TECRL: variants seen among roughly 807,000 people sequenced by gnomAD.
TECRL encodes the protein trans-2,3-enoyl-CoA reductase like.
TECRL carries 63 observed loss-of-function variants against 52.8 expected under a neutral mutation model. The ratio of observed to expected loss-of-function variants is 1.19; its 90% confidence interval spans 0.97 to 1.47. The LOEUF (loss-of-function observed/expected upper bound fraction) is 1.47. Among genes scored for constraint, TECRL ranks in the 40% most tolerant of loss-of-function variants. The probability of loss-of-function intolerance (pLI) is 0.00; values close to 1 mark genes in which losing one functional copy is unlikely to be tolerated. For missense variants in TECRL, 482 were observed against 429.6 expected (o/e 1.12, Z -1.08); for synonymous variants, 164 against 141.9 (o/e 1.16, Z -1.10).
chr4:64,387,110 T>C lies in TECRL; in HGVS notation c.235-11887A>G, dbSNP rs186869137. 5.9e-5 allele frequency among the ~76,000 whole-genome samples: 9 copies of C among 152,272 alleles called. No homozygotes were observed. The East Asian group carries it at 1.5e-3, about 26-fold the overall frequency. ...CCATCCCCACTGGCAACCACTAATCTTTTAGCTGTCATCATTGTTTTGCCT... is the reference window on the plus strand; with the variant it reads ...CCATCCCCACTGGCAACCACTAATCCTTTAGCTGTCATCATTGTTTTGCCT... On this transcript the variant is annotated intron_variant, in intron 1 of 11. Transcript: ENST00000381210.
chr4:64,290,721 A>C (rs1723333584), intron 8 of TECRL, among the ~76,000 whole-genome samples: 1 of 152,196 alleles, frequency 6.6e-6, no homozygotes, highest in East Asian at 1.9e-4. Flanking sequence ...ACACTTTCTA[A>C]ATTTTAGGAA....
chr4:64,374,802 A>G (rs997085567), intron 2 of TECRL, among the ~76,000 whole-genome samples: 12 of 152,078 alleles, frequency 7.9e-5, no homozygotes, highest in African/African-American at 2.9e-4. Context: ...TTCTTAATCC[A>G]GTCTATCTTT....
chr4:64,340,833 C>T (rs928454259), intron 2 of TECRL, among the ~76,000 whole-genome samples: 4 of 152,174 alleles, frequency 2.6e-5, no homozygotes, highest in Admixed American at 6.5e-5. Flanking sequence ...CCCTTGGCTG[C>T]CTATGGACCA....
At chr4:64,404,169 A>C (rs534914036) in intron 1 of TECRL, among the ~76,000 whole-genome samples, 2 of 150,226 alleles carry the variant, frequency 1.3e-5, no homozygotes, top group Non-Finnish European at 3.0e-5. Context: ...GAATTATTGA[A>C]TGCTTTATTT....
intron 2 of TECRL, among the ~76,000 whole-genome samples, chr4:64,354,870 C>T (rs1300283284): frequency 6.6e-6 from 1 of 152,118 alleles, no homozygotes; most frequent in Admixed American, 6.5e-5. Context: ...TGGCTTTGTT[C>T]AGAGTTTCAA....
chr4:64,319,426 A>C (rs1264967958), intron 4 of TECRL, among the ~76,000 whole-genome samples: 1 of 151,886 alleles, frequency 6.6e-6, no homozygotes, highest in Non-Finnish European at 1.5e-5. Flanking sequence ...TAAAAGCATA[A>C]TCTTTAAAAG....
chr4:64,342,845 G>A (rs956479869), intron 2 of TECRL, among the ~76,000 whole-genome samples: 19 of 151,984 alleles, frequency 1.3e-4, no homozygotes, highest in Admixed American at 2.0e-4. Flanking sequence ...CTTTTGTATA[G>A]GTGGAAGCAT....
chr4:64,369,742 T>C (rs925571848), intron 2 of TECRL, among the ~76,000 whole-genome samples: 3 of 152,012 alleles, frequency 2.0e-5, no homozygotes, highest in African/African-American at 7.2e-5. Context: ...TAAATGATCA[T>C]AGTATTGTCA....
chr4:64,385,837 A>G (rs183361183), intron 1 of TECRL, among the ~76,000 whole-genome samples: 1 of 152,274 alleles, frequency 6.6e-6, no homozygotes, highest in Admixed American at 6.5e-5. Context: ...TCCCAGGGCT[A>G]GGATTAGAGG....
At chr4:64,408,822 A>T (rs139868606) in intron 1 of TECRL, among the ~76,000 whole-genome samples, 1 of 152,136 alleles carries the variant, frequency 6.6e-6, no homozygotes, top group African/African-American at 2.4e-5. Context: ...TAGGTTGAGC[A>T]TTTGTAATTT....
At chr4:64,302,771 G>A (rs1482468990) in intron 7 of TECRL, among the ~76,000 whole-genome samples, 1 of 151,250 alleles carries the variant, frequency 6.6e-6, no homozygotes, top group Non-Finnish European at 1.5e-5. Flanking sequence ...AAGAATTACT[G>A]ATTTGTTTAA....
At chr4:64,338,275 A>G (rs1719272334) in intron 2 of TECRL, among the ~76,000 whole-genome samples, 1 of 152,198 alleles carries the variant, frequency 6.6e-6, no homozygotes, top group Non-Finnish European at 1.5e-5. Context: ...TTATACAAAA[A>G]TTAATTCAAG....
intron 2 of TECRL, among the ~76,000 whole-genome samples, chr4:64,358,505 G>A (rs1042919246): frequency 1.3e-5 from 2 of 151,588 alleles, no homozygotes; most frequent in Non-Finnish European, 3.0e-5. Flanking sequence ...AAAGGTATTG[G>A]AGAACAATAG....
chr4:64,289,812 A>AC, intron 8 of TECRL, 45 bp from the exon 9 acceptor site: 3 of 1,290,226 alleles, frequency 2.3e-6, no homozygotes, highest in Non-Finnish European at 3.1e-6. Context: ...ACCTCTGCCT[A>AC]TTTTTTAAAA....
At chr4:64,287,100 C>T (rs1225780998) in intron 9 of TECRL, among the ~76,000 whole-genome samples, 17 of 152,106 alleles carry the variant, frequency 1.1e-4, no homozygotes, top group Admixed American at 8.5e-4. Context: ...ATAGGCTTCA[C>T]TCCACTGCAA....
At chr4:64,382,281 TATTATATTATATATTATAC>T in intron 1 of TECRL, among the ~76,000 whole-genome samples, 1 of 145,260 alleles carries the variant, frequency 6.9e-6, no homozygotes, top group African/African-American at 2.5e-5. Flanking sequence ...TTATATATTA[TATTATATTATATATTATAC>T]ATTATATTAT....
At chr4:64,303,153 A>C (rs1331047433) in intron 7 of TECRL, among the ~76,000 whole-genome samples, 1 of 151,522 alleles carries the variant, frequency 6.6e-6, no homozygotes. Context: ...GAAATGGGAA[A>C]ATATTCTATT....
intron 2 of TECRL, among the ~76,000 whole-genome samples, chr4:64,365,677 G>A (rs1178872099): frequency 6.6e-6 from 1 of 151,846 alleles, no homozygotes; most frequent in Admixed American, 6.6e-5. Context: ...AATCAGAGAG[G>A]TAGATGATGT....
At chr4:64,384,612 G>T (rs886393220) in intron 1 of TECRL, among the ~76,000 whole-genome samples, 4 of 151,910 alleles carry the variant, frequency 2.6e-5, no homozygotes, top group Admixed American at 1.3e-4. Context: ...TGGATGGAGG[G>T]GTCAATCCTT....
Sources: gnomAD v4.1 joint callset for allele counts (sites outside exome capture counted in the v4.1 genomes callset) on GRCh38, gnomAD v4.1.1 for gene constraint, MANE v1.5 for transcripts, NCBI Gene and HGNC (gene_info 2026-07-23, HGNC 2026-07-21) for gene names.